The following TECPR2 variants were observed in gnomAD, a reference collection of about 807,000 sequenced individuals.
TECPR2 encodes tectonin beta-propeller repeat containing 2, also known as tectonin beta-propeller repeat-containing protein 2.
Under a neutral mutation model 138.1 loss-of-function variants are expected in TECPR2, and 65 were observed. The observed-to-expected ratio is 0.47, with a 90% CI of 0.39 to 0.58. The LOEUF (loss-of-function observed/expected upper bound fraction) is 0.58. TECPR2 is among the 20% of genes least tolerant of loss of function. The pLI is 0.00. For missense variants in TECPR2, 1,553 were observed against 1,824.5 expected (o/e 0.85, Z 2.71); for synonymous variants, 746 against 749.8 (o/e 0.99, Z 0.08).
At chr14:102,422,114 C>T (rs1290560735) in intron 5 of TECPR2, among the ~76,000 whole-genome samples, 3 of 152,210 alleles carry the variant, frequency 2.0e-5, no homozygotes, top group African/African-American at 7.2e-5. Flanking sequence ...GATTACCCCA[C>T]AGCCCACCAA....
chr14:102,416,072 A>G (rs1003789019), intron 5 of TECPR2, among the ~76,000 whole-genome samples: 4 of 149,614 alleles, frequency 2.7e-5, no homozygotes, highest in Admixed American at 6.6e-5. Context: ...ACGCTCTCAA[A>G]CCTCCCCTTT....
intron 1 of TECPR2, among the ~76,000 whole-genome samples, chr14:102,372,629 TC>T (rs1887535139): frequency 6.6e-6 from 1 of 152,092 alleles, no homozygotes; most frequent in African/African-American, 2.4e-5. Context: ...ATACCTGTAA[TC>T]CCAGCAAGTC....
chr14:102,465,020 T>C, intron 16 of TECPR2, 121 bp from the exon 17 acceptor site: 1 of 1,238,620 alleles, frequency 8.1e-7, no homozygotes, highest in Non-Finnish European at 1.1e-6. Flanking sequence ...GTGTCCAAGT[T>C]CAATTGCAAA....
intron 2 of TECPR2, among the ~76,000 whole-genome samples, chr14:102,404,384 A>G (rs956133165): frequency 2.6e-5 from 4 of 152,190 alleles, no homozygotes; most frequent in Non-Finnish European, 5.9e-5. Context: ...CCTGAAAAAG[A>G]ACAAAGCTGG....
At chr14:102,377,522 A>G (rs1887672977) in intron 2 of TECPR2, among the ~76,000 whole-genome samples, 1 of 152,140 alleles carries the variant, frequency 6.6e-6, no homozygotes, top group African/African-American at 2.4e-5. Context: ...CTTGACCAAT[A>G]TGGTGAAACC....
At chr14:102,456,777 G>A (rs1341794081) in intron 16 of TECPR2, among the ~76,000 whole-genome samples, 4 of 151,966 alleles carry the variant, frequency 2.6e-5, no homozygotes, top group East Asian at 3.9e-4. Context: ...TTTTAGTAGA[G>A]ATGGGGTTTC....
chr14:102,406,714 G>T lies in TECPR2; in HGVS notation c.220-624G>T, dbSNP rs777100774. On this transcript the variant is annotated intron_variant, in intron 2 of 19. Coordinates refer to ENST00000359520, the MANE Select transcript of TECPR2 (RefSeq NM_014844.5). ...ACAAAAAAAAATTAAAATTACCTGG[G>T]TGTGGGGCACACGTCTGTAGTCCCA... 9.2e-5 allele frequency among the ~76,000 whole-genome samples: 14 copies of T among 152,110 alleles called. No individual in the cohort carries two copies. In the East Asian group the frequency reaches 1.2e-3, roughly 13 times the overall value.
intron 17 of TECPR2, among the ~76,000 whole-genome samples, chr14:102,467,748 T>C (rs950729177): frequency 6.6e-6 from 1 of 152,198 alleles, no homozygotes; most frequent in African/African-American, 2.4e-5. Context: ...TTGATTTGCA[T>C]TGACCTAACA....
chr14:102,453,201 C>T (rs990225641), intron 16 of TECPR2, among the ~76,000 whole-genome samples: 3 of 152,090 alleles, frequency 2.0e-5, no homozygotes, highest in Non-Finnish European at 4.4e-5. Flanking sequence ...GTAGGCCGGG[C>T]GCAGTGGCTC....
At chr14:102,386,179 A>T (rs1323800669) in intron 2 of TECPR2, among the ~76,000 whole-genome samples, 1 of 151,636 alleles carries the variant, frequency 6.6e-6, no homozygotes, top group African/African-American at 2.4e-5. Context: ...GTATAAAATA[A>T]ATTTCTTGTC....
At chr14:102,376,561 C>G (rs1887643214) in intron 1 of TECPR2, 89 bp from the exon 2 acceptor site, 1 of 633,250 alleles carries the variant, frequency 1.6e-6, no homozygotes, top group African/African-American at 1.8e-5. Flanking sequence ...TAATGTTTAC[C>G]TGCCTAAAAG....
At chr14:102,477,074 A>G (rs1467309020) in intron 17 of TECPR2, among the ~76,000 whole-genome samples, 3 of 149,468 alleles carry the variant, frequency 2.0e-5, no homozygotes, top group African/African-American at 7.4e-5. Flanking sequence ...AAAATACTAG[A>G]AAATGCTAAC....
intron 17 of TECPR2, among the ~76,000 whole-genome samples, chr14:102,479,951 G>C (rs1437135772): frequency 6.6e-6 from 1 of 152,254 alleles, no homozygotes; most frequent in African/African-American, 2.4e-5. Flanking sequence ...CCAGCCAGGA[G>C]GGACTGTTCC....
chr14:102,475,914 A>G (rs1406952684), intron 17 of TECPR2, among the ~76,000 whole-genome samples: 1 of 152,184 alleles, frequency 6.6e-6, no homozygotes, highest in African/African-American at 2.4e-5. Context: ...AATGAGAGAT[A>G]GAAAAACTCC....
At chr14:102,476,810 T>C (rs149548310) in intron 17 of TECPR2, among the ~76,000 whole-genome samples, 1,585 of 152,176 alleles carry the variant, frequency 0.01, 29 homozygotes, top group African/African-American at 0.036. Flanking sequence ...ATCCCAACAC[T>C]TTGGGAGGCT....
Position 102,468,233 on chromosome 14 carries a change from G to A in TECPR2, c.3789+2944G>A, listed in dbSNP as rs182623430. Among the ~76,000 whole-genome samples, 242 of 152,216 alleles carry A rather than the reference G, an allele frequency of 1.6e-3. 2 individuals carry two copies. Among genetic ancestry groups the A allele is most frequent in the African/African-American group, 5.6e-3 (233 of 41,510 alleles). Reference sequence around the variant, plus strand: ...GATGGAGTCTTGCTCTGTCGCCCAGGCTGGAGTGCAGTGGCATGATCTCAG... The same window carrying A: ...GATGGAGTCTTGCTCTGTCGCCCAGACTGGAGTGCAGTGGCATGATCTCAG... On this transcript the variant is annotated intron_variant, in intron 17 of 19. Transcript: ENST00000359520.
chr14:102,464,049 G>A (rs1890486059), intron 16 of TECPR2, among the ~76,000 whole-genome samples: 1 of 152,228 alleles, frequency 6.6e-6, no homozygotes, highest in South Asian at 2.1e-4. Context: ...GCTGACCCAG[G>A]TCCAAACCTT....
At chr14:102,428,143 T>A in intron 6 of TECPR2, 107 bp from the exon 7 acceptor site, 1 of 1,360,926 alleles carries the variant, frequency 7.3e-7, no homozygotes, top group African/African-American at 1.5e-5. Flanking sequence ...AAAGTGCAGT[T>A]ATCATTTGAC....
intron 12 of TECPR2, among the ~76,000 whole-genome samples, chr14:102,444,149 T>G (rs976323105): frequency 2.6e-5 from 4 of 151,942 alleles, no homozygotes; most frequent in Admixed American, 1.3e-4. Flanking sequence ...GGTCCAAATA[T>G]TTTTCTTTAT....
Sources: gnomAD v4.1 joint callset for allele counts (sites outside exome capture counted in the v4.1 genomes callset) on GRCh38, gnomAD v4.1.1 for gene constraint, MANE v1.5 for transcripts, NCBI Gene and HGNC (gene_info 2026-07-23, HGNC 2026-07-21) for gene names.